Variants in FRYL observed in about 807,000 individuals in gnomAD.
FRYL encodes the protein FRY like transcription coactivator.
FRYL carries 150 observed loss-of-function variants against 351.2 expected under a neutral mutation model. The ratio of observed to expected loss-of-function variants is 0.43; its 90% CI spans 0.37 to 0.49. FRYL has a LOEUF of 0.49. Among genes scored for constraint, FRYL ranks in the 20% least tolerant of loss-of-function variants. The pLI is 0.00. For synonymous variants in FRYL, 1,153 were observed against 1,257.1 expected, an observed-to-expected ratio of 0.92 and a Z score of 1.75; for missense variants, 3,036 against 3,619.3, an observed-to-expected ratio of 0.84 and a Z score of 4.13.
intron 2 of FRYL, among the ~76,000 whole-genome samples, chr4:48,693,096 T>C (rs1765820995): frequency 6.6e-6 from 1 of 152,218 alleles, no homozygotes; most frequent in South Asian, 2.1e-4. Flanking sequence ...GTCTTCCTTT[T>C]CTCCATGAGT....
At chr4:48,753,262 A>G (rs1245867368) in intron 1 of FRYL, among the ~76,000 whole-genome samples, 1 of 152,182 alleles carries the variant, frequency 6.6e-6, no homozygotes, top group Non-Finnish European at 1.5e-5. Flanking sequence ...ATAAAAATAA[A>G]GCACCAGTGA....
Position 48,515,050 on chromosome 4 carries a change from C to T in FRYL, c.7915G>A (p.Ala2639Thr). The stretch of plus-strand genomic sequence containing the variant: ...CACCTAGACAGTCCGGAGAAATCCG[C>T]TTCTTCTTCTTCACATCTTTCATCT... ...ELDERCEEEE[A>T]DFSGLSSQDE... Residue 2639 changes from alanine to threonine, a missense_variant, in exon 56 of 64, where the codon GCG (alanine) becomes ACG (threonine). Coordinates refer to ENST00000358350, the MANE Select transcript of FRYL (RefSeq NM_015030.2). 6.2e-7 allele frequency: 1 copy of T among 1,613,008 alleles called. No homozygotes were observed. Among genetic ancestry groups the T allele is most frequent in the Non-Finnish European group, 8.5e-7 (1 of 1,179,254 alleles).
At chr4:48,747,166 C>CCA (rs1408449320) in intron 1 of FRYL, among the ~76,000 whole-genome samples, 1 of 150,730 alleles carries the variant, frequency 6.6e-6, no homozygotes, top group Non-Finnish European at 1.5e-5. Context: ...CCCCTATCCC[C>CCA]CCCCAAAAAA....
intron 4 of FRYL, among the ~76,000 whole-genome samples, chr4:48,628,833 T>A (rs1752397936): frequency 1.3e-5 from 2 of 151,916 alleles, no homozygotes; most frequent in Admixed American, 1.3e-4. Flanking sequence ...TAAAATTTTT[T>A]AAATTGAAAG....
At chr4:48,507,648 C>A (rs1721486063) in intron 59 of FRYL, among the ~76,000 whole-genome samples, 1 of 152,072 alleles carries the variant, frequency 6.6e-6, no homozygotes, top group African/African-American at 2.4e-5. Context: ...GAACAGAAAG[C>A]AGTGGCCTAG....
At chr4:48,736,034 G>A (rs184714452) in intron 1 of FRYL, among the ~76,000 whole-genome samples, 70 of 143,586 alleles carry the variant, frequency 4.9e-4, no homozygotes, top group African/African-American at 1.7e-3. Flanking sequence ...GACCACAATC[G>A]AATTAAACTA....
chr4:48,653,711 T>TA, intron 3 of FRYL: 1 of 1,290,046 alleles, frequency 7.8e-7, no homozygotes, highest in Non-Finnish European at 1.0e-6. Context: ...AATATATACT[T>TA]ACAGCTGCTG....
intron 3 of FRYL, among the ~76,000 whole-genome samples, chr4:48,653,360 G>A (rs1758119201): frequency 6.6e-6 from 1 of 152,120 alleles, no homozygotes; most frequent in African/African-American, 2.4e-5. Flanking sequence ...AAGAGTACTG[G>A]TATCTGATAA....
At chr4:48,708,266 C>T (rs1484011246) in intron 2 of FRYL, among the ~76,000 whole-genome samples, 4 of 147,206 alleles carry the variant, frequency 2.7e-5, no homozygotes, top group Admixed American at 6.8e-5. Flanking sequence ...ACAACAAGAG[C>T]GAGACTCCGT....
At chr4:48,702,716 G>A (rs1166956744) in intron 2 of FRYL, among the ~76,000 whole-genome samples, 12 of 139,066 alleles carry the variant, frequency 8.6e-5, no homozygotes, top group East Asian at 6.3e-4. Context: ...AGAGGAGATC[G>A]GGCCACTGCA....
At chr4:48,588,410 C>A (rs1742579754) in intron 18 of FRYL, among the ~76,000 whole-genome samples, 1 of 152,186 alleles carries the variant, frequency 6.6e-6, no homozygotes. Context: ...TCCCCCAGTT[C>A]TTTAATGTGG....
rs962669635 is a variant in FRYL, at chr4:48,531,219, AATTTTAGTGAAGGAT to A, written c.6825_6839del (p.Ser2276_Ile2280del). The A allele has an allele frequency of 1.2e-6, 2 of 1,612,714 alleles. No homozygotes were observed. Among genetic ancestry groups the A allele is most frequent in the Non-Finnish European group, 1.7e-6 (2 of 1,178,808 alleles). ...GCAACTCCTTAGAAACATTATTAAAAATTTTAGTGAAGGATATTTCAGGAGAACCTGTATCTCCTC... is the reference window on the plus strand; with the variant it reads ...GCAACTCCTTAGAAACATTATTAAAAATTTCAGGAGAACCTGTATCTCCTC... On this transcript the variant is annotated inframe_deletion, in exon 50 of 64. Coordinates refer to ENST00000358350, the MANE Select transcript of FRYL (RefSeq NM_015030.2).
intron 5 of FRYL, among the ~76,000 whole-genome samples, chr4:48,621,667 CTT>C (rs1340544854): frequency 6.6e-6 from 1 of 152,134 alleles, no homozygotes; most frequent in Non-Finnish European, 1.5e-5. Flanking sequence ...TTCAAGGTCT[CTT>C]TTAGTTCCAT....
intron 10 of FRYL, among the ~76,000 whole-genome samples, chr4:48,606,188 G>A (rs915499142): frequency 1.3e-4 from 19 of 150,650 alleles, no homozygotes; most frequent in African/African-American, 3.9e-4. Context: ...CAGGAGAATC[G>A]CTTCAATCAG....
intron 50 of FRYL, 22 bp downstream of exon 50, chr4:48,531,134 C>T (rs758108580): frequency 2.8e-6 from 4 of 1,431,166 alleles, no homozygotes; most frequent in Non-Finnish European, 3.9e-6. Flanking sequence ...AGAGTAACTT[C>T]ATCAATTTCT....
At chr4:48,616,648 G>A (rs1366393185) in intron 7 of FRYL, among the ~76,000 whole-genome samples, 10 of 152,106 alleles carry the variant, frequency 6.6e-5, no homozygotes, top group Non-Finnish European at 1.2e-4. Flanking sequence ...AGTTCCAAAC[G>A]TGTGATTATT....
intron 15 of FRYL, among the ~76,000 whole-genome samples, chr4:48,595,147 T>A (rs1410288264): frequency 6.6e-6 from 1 of 152,184 alleles, no homozygotes; most frequent in Non-Finnish European, 1.5e-5. Context: ...GCTGTTTTAT[T>A]TTGGCCAAGG....
rs1755327066 is a variant in FRYL at position 48,641,562 on chromosome 4, G to A, written c.-80-7072C>T. Among the ~76,000 whole-genome samples, 5 of 151,990 alleles carry A rather than the reference G, an allele frequency of 3.3e-5. No individual in the cohort carries two copies. The South Asian group carries it at 8.3e-4, about 25-fold the overall frequency. On this transcript the variant is annotated intron_variant, in intron 3 of 63. Coordinates refer to ENST00000358350, the MANE Select transcript of FRYL (RefSeq NM_015030.2). The stretch of plus-strand genomic sequence containing the variant: ...GCTCTTAAGCCACTAATGGCTTAAC[G>A]ACTGGCTCGTAGGAATTAGATCCAG...
In FRYL at chr4:48,513,266, A is replaced by G. The variant is rs546108748; in HGVS notation, c.7938-578T>C. Among the ~76,000 whole-genome samples the G allele has an allele frequency of 3.9e-5, 6 of 152,336 alleles. No individual in the cohort carries two copies. The East Asian group carries it at 5.8e-4, about 15-fold the overall frequency. On this transcript the variant is annotated intron_variant, in intron 56 of 63. Transcript: ENST00000358350. ...GACAGAGCCAGAATTTGAACCCAGG[A>G]CTACGGGTCCAAATGCTATTAGCCA... is the stretch of plus-strand genomic sequence containing the variant.
Sources: gnomAD v4.1 joint callset for allele counts (sites outside exome capture counted in the v4.1 genomes callset) on GRCh38, gnomAD v4.1.1 for gene constraint, MANE v1.5 for transcripts, NCBI Gene and HGNC (gene_info 2026-07-23, HGNC 2026-07-21) for gene names.